The following ARHGAP24 variants were observed in gnomAD, a reference collection of about 807,000 sequenced individuals.
The protein encoded by ARHGAP24 is rho GTPase-activating protein 24.
ARHGAP24 carries 50 observed loss-of-function variants against 76.4 expected under a neutral mutation model. The observed-to-expected ratio is 0.65, with a 90% confidence interval of 0.52 to 0.83. ARHGAP24 has a LOEUF of 0.83. ARHGAP24 is among the 40% of genes least tolerant of loss of function. The pLI is 0.00. For missense variants in ARHGAP24, 930 were observed against 914.2 expected, an observed-to-expected ratio of 1.02 and a Z score of -0.22; for synonymous variants, 345 against 323.3, an observed-to-expected ratio of 1.07 and a Z score of -0.72.
chr4:85,603,722 C>T (rs1002793035), intron 2 of ARHGAP24, among the ~76,000 whole-genome samples: 2 of 152,150 alleles, frequency 1.3e-5, no homozygotes, highest in Admixed American at 1.3e-4. Flanking sequence ...TTCAGTTTCT[C>T]ATATGTTTCT....
intron 1 of ARHGAP24, among the ~76,000 whole-genome samples, chr4:85,538,593 G>A (rs564308135): frequency 6.6e-6 from 1 of 152,036 alleles, no homozygotes; most frequent in African/African-American, 2.4e-5. Flanking sequence ...GTGTCTCCAC[G>A]CACCTATTTG....
intron 3 of ARHGAP24, among the ~76,000 whole-genome samples, chr4:85,884,192 A>G (rs1489728259): frequency 6.6e-6 from 1 of 152,198 alleles, no homozygotes; most frequent in Non-Finnish European, 1.5e-5. Context: ...AGTTTATTTT[A>G]TAGAACCTAT....
intron 3 of ARHGAP24, among the ~76,000 whole-genome samples, chr4:85,876,892 G>A (rs761012133): frequency 5.3e-5 from 8 of 151,886 alleles, no homozygotes; most frequent in Non-Finnish European, 1.0e-4. Context: ...ACAGCTGCAC[G>A]TTTGCAGGTG....
At chr4:85,600,566 T>G (rs1355498528) in intron 2 of ARHGAP24, among the ~76,000 whole-genome samples, 1 of 152,208 alleles carries the variant, frequency 6.6e-6, no homozygotes, top group African/African-American at 2.4e-5. Context: ...AAAGTGTGTA[T>G]TAATGTGCCT....
At chr4:85,694,225 G>T (rs1723786542) in intron 2 of ARHGAP24, among the ~76,000 whole-genome samples, 1 of 152,038 alleles carries the variant, frequency 6.6e-6, no homozygotes, top group African/African-American at 2.4e-5. Flanking sequence ...CAGCCATCTT[G>T]TCCCTTCTCT....
chr4:85,676,359 C>CA, intron 2 of ARHGAP24, among the ~76,000 whole-genome samples: 1 of 152,262 alleles, frequency 6.6e-6, no homozygotes, highest in East Asian at 1.9e-4. Context: ...TCCAGGGACT[C>CA]AGAGAGATCA....
At position 86,001,467 on chromosome 4, in the gene ARHGAP24, G is replaced by A. The variant is rs1741014073; in HGVS notation, c.*745G>A. The A allele has an allele frequency of 7.5e-6, 3 of 398,784 alleles. No individual in the cohort carries two copies. The highest frequency in any genetic ancestry group is 1.3e-5 in the Non-Finnish European group (3 of 226,062). 24.7% of individuals were successfully genotyped at this position (398,784 alleles called of 1,614,324 possible). ...CAGATCCTCAGTGCGTATCGCCAAT[G>A]CAGGATGCTCCTTAGAAAAGAAAAA... is the stretch of plus-strand genomic sequence containing the variant. On this transcript the variant is annotated 3_prime_UTR_variant, in exon 10 of 10. Coordinates refer to ENST00000395184, the MANE Select transcript of ARHGAP24 (RefSeq NM_001025616.3).
At chr4:85,608,693 G>A (rs191033960) in intron 2 of ARHGAP24, among the ~76,000 whole-genome samples, 1 of 151,222 alleles carries the variant, frequency 6.6e-6, no homozygotes, top group Non-Finnish European at 1.5e-5. Context: ...GAGTAGCAGG[G>A]ATTATAGGTG....
chr4:85,555,722 G>C (rs1242808887), intron 1 of ARHGAP24, among the ~76,000 whole-genome samples: 1 of 152,188 alleles, frequency 6.6e-6, no homozygotes, highest in Admixed American at 6.5e-5. Context: ...ATGTGGAAGA[G>C]GGCCTTTCAC....
chr4:85,568,115 G>A (rs1726920822), intron 1 of ARHGAP24, among the ~76,000 whole-genome samples: 1 of 152,158 alleles, frequency 6.6e-6, no homozygotes, highest in Non-Finnish European at 1.5e-5. Flanking sequence ...AGGCATTAAT[G>A]TACACAAAAG....
intron 1 of ARHGAP24, among the ~76,000 whole-genome samples, chr4:85,530,958 T>C (rs944209128): frequency 3.9e-5 from 6 of 152,190 alleles, no homozygotes; most frequent in African/African-American, 1.2e-4. Context: ...GTTTGAAGAA[T>C]TGCCCTTATG....
At chr4:85,944,052 T>G (rs931755367) in intron 5 of ARHGAP24, among the ~76,000 whole-genome samples, 1 of 152,174 alleles carries the variant, frequency 6.6e-6, no homozygotes, top group African/African-American at 2.4e-5. Flanking sequence ...TCCACAATGG[T>G]TGAGCTAATT....
At chr4:85,749,491 C>A (rs916438671) in intron 3 of ARHGAP24, among the ~76,000 whole-genome samples, 1 of 152,180 alleles carries the variant, frequency 6.6e-6, no homozygotes, top group African/African-American at 2.4e-5. Context: ...ACAATCTTGT[C>A]GGATTGTCAA....
At chr4:85,509,437 C>T (rs912188272) in intron 1 of ARHGAP24, among the ~76,000 whole-genome samples, 5 of 151,646 alleles carry the variant, frequency 3.3e-5, no homozygotes, top group African/African-American at 7.3e-5. Context: ...TAAGGAAAAG[C>T]GATGGCTAGA....
In ARHGAP24 at chr4:85,477,665, C is replaced by T. The variant is rs181018238; in HGVS notation, c.-21+2106C>T. On this transcript the variant is annotated intron_variant, in intron 1 of 9. Coordinates refer to ENST00000395184, the MANE Select transcript of ARHGAP24 (RefSeq NM_001025616.3). Reference sequence around the variant, plus strand: ...GTGCAACAGGTGGTGATGAGTAGTCCGAGTATGATTACTTTGCTGTCTTAG... The same window carrying T: ...GTGCAACAGGTGGTGATGAGTAGTCTGAGTATGATTACTTTGCTGTCTTAG... Among the ~76,000 whole-genome samples, 7 of 152,176 alleles carry T rather than the reference C, an allele frequency of 4.6e-5. No homozygotes were observed. In the East Asian group the frequency reaches 1.4e-3, roughly 29 times the overall value.
intron 3 of ARHGAP24, among the ~76,000 whole-genome samples, chr4:85,743,498 G>C (rs72656272): frequency 1.3e-5 from 2 of 149,844 alleles, no homozygotes; most frequent in Non-Finnish European, 3.0e-5. Context: ...AGCCCAGAAG[G>C]CTGAGTCAGC....
chr4:85,569,854 G>A (rs1368723035), intron 1 of ARHGAP24, among the ~76,000 whole-genome samples: 3 of 152,180 alleles, frequency 2.0e-5, no homozygotes, highest in Non-Finnish European at 4.4e-5. Flanking sequence ...ATAGTCTCTT[G>A]AAATGGGGAC....
chr4:85,942,382 A>C (rs905784378), intron 5 of ARHGAP24, 109 bp downstream of exon 5: 1 of 1,298,056 alleles, frequency 7.7e-7, no homozygotes, highest in Non-Finnish European at 1.1e-6. Context: ...AACAGTTTAC[A>C]ACATAGATTA....
intron 2 of ARHGAP24, among the ~76,000 whole-genome samples, chr4:85,647,137 A>C (rs374468563): frequency 2.4e-4 from 37 of 152,250 alleles, no homozygotes; most frequent in African/African-American, 8.2e-4. Flanking sequence ...ATGGGGAGAC[A>C]TGCAATGTAG....
Sources: allele counts gnomAD v4.1 joint callset (sites outside exome capture counted in the v4.1 genomes callset), GRCh38; gene constraint gnomAD v4.1.1; transcripts MANE v1.5; gene names NCBI Gene and HGNC (gene_info 2026-07-23, HGNC 2026-07-21).